Variants in ETHE1 observed in about 807,000 individuals in gnomAD.
The protein encoded by ETHE1 is persulfide dioxygenase ETHE1, mitochondrial.
Under a neutral mutation model 25.7 loss-of-function variants are expected in ETHE1, and 16 were observed. The observed-to-expected ratio is 0.62, with a 90% CI of 0.42 to 0.95. The LOEUF (loss-of-function observed/expected upper bound fraction) is 0.95, where lower values mean the gene tolerates loss of function less well. Among genes scored for constraint, ETHE1 ranks in the 40% least tolerant of loss-of-function variants. ETHE1 has a pLI of 0.00. For missense variants in ETHE1, 300 were observed against 333.6 expected, an observed-to-expected ratio of 0.90 and a Z score of 0.79; for synonymous variants, 139 against 135.9, an observed-to-expected ratio of 1.02 and a Z score of -0.16.
chr19:43,506,818 A>G lies in ETHE1; in HGVS notation c.*32T>C, dbSNP rs770386105. On this transcript the variant is annotated 3_prime_UTR_variant, in exon 7 of 7. Transcript: ENST00000292147. ...CCCTCTCCTCCCACCTAGTGCATTA[A>G]TAGTGGATGGGAGCATCTGACAGAA... 1 of 1,599,508 alleles carries G rather than the reference A, an allele frequency of 6.3e-7. No individual in the cohort carries two copies. The highest frequency in any genetic ancestry group is 1.1e-5 in the South Asian group (1 of 90,766).
At chr19:43,510,214 C>T (rs1051466598) in intron 4 of ETHE1, among the ~76,000 whole-genome samples, 10 of 152,172 alleles carry the variant, frequency 6.6e-5, no homozygotes, top group Admixed American at 4.6e-4. Flanking sequence ...GATTCTGAAA[C>T]TATACTCGCT....
intron 3 of ETHE1, among the ~76,000 whole-genome samples, chr19:43,522,700 C>T (rs1383973053): frequency 2.0e-5 from 3 of 152,058 alleles, no homozygotes; most frequent in Non-Finnish European, 2.9e-5. Flanking sequence ...AGGCTGGTCT[C>T]GAACTCCTGA....
Position 43,508,165 on chromosome 19 carries a change from TC to T in ETHE1, c.596-106del. Reference sequence around the variant, plus strand: ...TGGGTGCCTCTCTGGCAGGGGCTCTTCCCAGAATATTCCTAAAATTGCTTTC... The same window carrying T: ...TGGGTGCCTCTCTGGCAGGGGCTCTTCCAGAATATTCCTAAAATTGCTTTC... On this transcript the variant is annotated intron_variant, in intron 5 of 6. Coordinates refer to ENST00000292147, the MANE Select transcript of ETHE1 (RefSeq NM_014297.5). The T allele has an allele frequency of 2.0e-6, 3 of 1,536,372 alleles. No homozygotes were observed. The East Asian group carries it at 7.0e-5, about 36-fold the overall frequency.
chr19:43,514,017 C>T (rs117259404), intron 3 of ETHE1, among the ~76,000 whole-genome samples: 4,266 of 152,114 alleles, frequency 0.028, 80 homozygotes, highest in Non-Finnish European at 0.043. Flanking sequence ...CCACCATGCC[C>T]GGCCTCAGAT....
At chr19:43,511,298 G>T in intron 4 of ETHE1, 139 bp downstream of exon 4, 2 of 1,334,764 alleles carry the variant, frequency 1.5e-6, no homozygotes, top group Non-Finnish European at 2.1e-6. Flanking sequence ...CACTGTTCTA[G>T]CAGGTAAACT....
intron 3 of ETHE1, among the ~76,000 whole-genome samples, chr19:43,519,639 G>C (rs1472119073): frequency 6.6e-6 from 1 of 152,122 alleles, no homozygotes; most frequent in African/African-American, 2.4e-5. Flanking sequence ...CATTCAGCTT[G>C]CTGGCCTTGG....
intron 3 of ETHE1, among the ~76,000 whole-genome samples, chr19:43,519,063 G>A (rs141466572): frequency 0.082 from 11,386 of 138,146 alleles, 640 homozygotes; most frequent in Admixed American, 0.15. Flanking sequence ...AGGCTGGAGT[G>A]CAGTGGTGCG....
In ETHE1 at chr19:43,508,851, G is replaced by C; in HGVS notation, c.519C>G (p.Thr173=). Reference sequence around the variant, plus strand: ...TCTTTTCATGGACCGAGTGGTACAAGGTCTTGGCACAGCCTGGGGAAGGAA... The same window carrying C: ...TCTTTTCATGGACCGAGTGGTACAACGTCTTGGCACAGCCTGGGGAAGGAA... ...RTDFQQGCAK[T]LYHSVHEKIF... Residue 173 remains threonine (T), a synonymous_variant, in exon 5 of 7, where the codon ACC becomes ACG. Transcript: ENST00000292147. 1 of 1,606,444 alleles carries C rather than the reference G, an allele frequency of 6.2e-7. No individual in the cohort carries two copies. The highest frequency in any genetic ancestry group is 1.3e-5 in the African/African-American group (1 of 74,958).
intron 1 of ETHE1, 40 bp from the exon 2 acceptor site, chr19:43,526,699 T>A (rs774528864): frequency 6.2e-7 from 1 of 1,612,036 alleles, no homozygotes; most frequent in Non-Finnish European, 8.5e-7. Context: ...AGAACCGGAC[T>A]TCCACCCACT....
At chr19:43,510,653 T>A (rs1214148797) in intron 4 of ETHE1, among the ~76,000 whole-genome samples, 1 of 118,644 alleles carries the variant, frequency 8.4e-6, no homozygotes, top group Non-Finnish European at 1.8e-5. Flanking sequence ...TTTTTTTTTT[T>A]AGCTATATTT....
chr19:43,515,423 A>G (rs1346321769), intron 3 of ETHE1, among the ~76,000 whole-genome samples: 1 of 151,914 alleles, frequency 6.6e-6, no homozygotes, highest in Non-Finnish European at 1.5e-5. Flanking sequence ...GCCTTAAAAA[A>G]AAAAAAAAAA....
rs369625358 is a variant in ETHE1, at chr19:43,507,972, G to A, written c.684C>T (p.Asn228=). 98 of 1,614,006 alleles carry A rather than the reference G, an allele frequency of 6.1e-5. No homozygotes were observed. The highest frequency in any genetic ancestry group is 7.8e-5 in the Non-Finnish European group (92 of 1,180,040). ...SCEEFVKIMG[N]LNLPKPQQID... is the part of the protein sequence containing the mutation. ...TCTGCTGAGGTTTAGGCAAGTTCAG[G>A]TTGCCCATGATTTTGACAAACTCCT... Residue 228 remains asparagine (N), a synonymous_variant, in exon 6 of 7, where the codon AAC becomes AAT. Transcript: ENST00000292147.
At chr19:43,508,962 A>G in intron 4 of ETHE1, 98 bp from the exon 5 acceptor site, 1 of 920,910 alleles carries the variant, frequency 1.1e-6, no homozygotes, top group Non-Finnish European at 1.7e-6. Flanking sequence ...CACTATAGCT[A>G]AACCCTCTCC....
chr19:43,516,091 T>C (rs1408480136), intron 3 of ETHE1, among the ~76,000 whole-genome samples: 1 of 152,184 alleles, frequency 6.6e-6, no homozygotes, highest in East Asian at 1.9e-4. Context: ...ATCTTCACGC[T>C]ATGGTTGACC....
rs559498093 is a variant in ETHE1, at chr19:43,508,748, C to T, written c.595+27G>A. On this transcript the variant is annotated intron_variant, in intron 5 of 6. Coordinates refer to ENST00000292147, the MANE Select transcript of ETHE1 (RefSeq NM_014297.5). Reference sequence around the variant, plus strand: ...ACTCCACTTTCAAAGTTATGTACGCCCCACACCTCTTCCAGGAAGCCCTCA... The same window carrying T: ...ACTCCACTTTCAAAGTTATGTACGCTCCACACCTCTTCCAGGAAGCCCTCA... 20 of 1,535,386 alleles carry T rather than the reference C, an allele frequency of 1.3e-5. No homozygotes were observed. The African/African-American group carries it at 2.2e-4, about 17-fold the overall frequency.
At chr19:43,509,306 G>C (rs1441239144) in intron 4 of ETHE1, among the ~76,000 whole-genome samples, 3 of 151,652 alleles carry the variant, frequency 2.0e-5, no homozygotes. Flanking sequence ...AGACCAGCCT[G>C]GCCAACATGA....
chr19:43,520,916 C>A (rs73552588), intron 3 of ETHE1, among the ~76,000 whole-genome samples: 2,791 of 152,060 alleles, frequency 0.018, 68 homozygotes, highest in African/African-American at 0.061. Context: ...TTCTAAGGGA[C>A]CTGGGGGATC....
At chr19:43,523,437 C>T (rs556054609) in intron 3 of ETHE1, among the ~76,000 whole-genome samples, 3 of 151,980 alleles carry the variant, frequency 2.0e-5, no homozygotes, top group East Asian at 1.9e-4. Context: ...ACCACCATAC[C>T]GCTTAATTTT....
intron 4 of ETHE1, among the ~76,000 whole-genome samples, chr19:43,510,325 CTTTTTT>C (rs1208585595): frequency 6.8e-6 from 1 of 147,618 alleles, no homozygotes; most frequent in African/African-American, 2.5e-5. Flanking sequence ...TTAACAACTT[CTTTTTT>C]TATCTTTTTT....
Sources: allele counts gnomAD v4.1 joint callset (sites outside exome capture counted in the v4.1 genomes callset), GRCh38; gene constraint gnomAD v4.1.1; transcripts MANE v1.5; gene names NCBI Gene and HGNC (gene_info 2026-07-23, HGNC 2026-07-21).